Variants in SLC35F4 observed in about 807,000 individuals in gnomAD.
SLC35F4 encodes solute carrier family 35 member F4, also known as chromosome 14 open reading frame 36.
Under a neutral mutation model 44.2 loss-of-function variants are expected in SLC35F4, and 24 were observed. That is an observed-to-expected ratio of 0.54 (90% CI 0.39 to 0.76). The LOEUF is 0.76. Ranked by LOEUF, SLC35F4 falls within the 30% of genes least tolerant of loss-of-function variation. The pLI, the probability that SLC35F4 is intolerant of heterozygous loss-of-function variation, is 0.00. For synonymous variants in SLC35F4, 238 were observed against 223.6 expected (o/e 1.06, Z -0.57); for missense variants, 562 against 586.1 (o/e 0.96, Z 0.42).
At chr14:57,760,546 G>A (rs2077100242) in intron 1 of SLC35F4, among the ~76,000 whole-genome samples, 1 of 151,988 alleles carries the variant, frequency 6.6e-6, no homozygotes, top group Non-Finnish European at 1.5e-5. Flanking sequence ...TCTCTATTGT[G>A]TGCTGGATAT....
intron 1 of SLC35F4, among the ~76,000 whole-genome samples, chr14:57,678,565 A>C (rs1038688294): frequency 3.3e-5 from 5 of 152,068 alleles, no homozygotes; most frequent in Admixed American, 1.3e-4. Flanking sequence ...ATTAAAAGAC[A>C]CAGACCCACA....
chr14:57,858,448 C>A (rs1056470527), intron 1 of SLC35F4, among the ~76,000 whole-genome samples: 1 of 151,882 alleles, frequency 6.6e-6, no homozygotes, highest in Non-Finnish European at 1.5e-5. Context: ...CCAAACACTA[C>A]ATGTTCTCAC....
At chr14:57,825,156 C>T (rs536758273) in intron 1 of SLC35F4, among the ~76,000 whole-genome samples, 27 of 152,162 alleles carry the variant, frequency 1.8e-4, no homozygotes, top group Admixed American at 5.9e-4. Flanking sequence ...TAGGCCTGAG[C>T]CTCTGGAAGG....
intron 1 of SLC35F4, among the ~76,000 whole-genome samples, chr14:57,880,925 T>C (rs1288429552): frequency 6.6e-6 from 1 of 152,214 alleles, no homozygotes; most frequent in African/African-American, 2.4e-5. Context: ...GGAGACATGG[T>C]TGACACAGAA....
intron 7 of SLC35F4, 61 bp downstream of exon 7, chr14:57,566,414 A>T: frequency 6.7e-7 from 1 of 1,486,468 alleles, no homozygotes; most frequent in Non-Finnish European, 9.2e-7. Flanking sequence ...AGGACACAGA[A>T]CAAACACAAG....
chr14:57,944,716 AAAG>A (rs1358960261), intron 1 of SLC35F4, among the ~76,000 whole-genome samples: 2 of 116,118 alleles, frequency 1.7e-5, no homozygotes, highest in Admixed American at 9.6e-5. Context: ...AGAAAGAAAG[AAAG>A]AAAGAAAGAA....
intron 1 of SLC35F4, among the ~76,000 whole-genome samples, chr14:57,926,556 T>TG (rs555403775): frequency 1.1e-3 from 164 of 151,982 alleles, no homozygotes; most frequent in African/African-American, 3.7e-3. Flanking sequence ...GAAAGCAAGT[T>TG]GGGGGGGAAT....
chr14:57,702,253 C>G (rs1216331962), intron 1 of SLC35F4, among the ~76,000 whole-genome samples: 1 of 151,730 alleles, frequency 6.6e-6, no homozygotes, highest in Non-Finnish European at 1.5e-5. Context: ...CTCCTTTACC[C>G]CCCTGAATAC....
chr14:57,771,570 T>C (rs77878553), intron 1 of SLC35F4, among the ~76,000 whole-genome samples: 1 of 31,918 alleles, frequency 3.1e-5, no homozygotes, highest in Non-Finnish European at 5.2e-5. Flanking sequence ...ACAAATTTTT[T>C]CAACTTTTAA....
intron 1 of SLC35F4, among the ~76,000 whole-genome samples, chr14:57,616,958 C>T (rs894368115): frequency 1.3e-5 from 2 of 151,944 alleles, no homozygotes; most frequent in African/African-American, 4.8e-5. Flanking sequence ...GAGCCACAGA[C>T]ACTGCATTAT....
Position 57,593,985 on chromosome 14 carries a change from T to G in SLC35F4, c.243A>C (p.Gly81=), listed in dbSNP as rs1244195956. Residue 81 remains glycine (G), a synonymous_variant, in exon 2 of 8, where the codon GGA becomes GGC. Transcript: ENST00000556826. ...CTCTGTGTCCACAAACTCCTGAGGA[T>G]CCTTGGTTTTGAAGTTCAAGAATAG... ...SAPILELQNQ[G]SSGVCGHRVE... 1 of 1,613,888 alleles carries G rather than the reference T, an allele frequency of 6.2e-7. No homozygotes were observed. Among genetic ancestry groups the G allele is most frequent in the Admixed American group, 1.7e-5 (1 of 59,980 alleles).
At chr14:57,783,637 G>A (rs953027641) in intron 1 of SLC35F4, among the ~76,000 whole-genome samples, 1 of 152,106 alleles carries the variant, frequency 6.6e-6, no homozygotes, top group Admixed American at 6.5e-5. Context: ...CATTTTTCTG[G>A]GTTGCTCCAT....
chr14:57,780,980 G>GTC lies in SLC35F4; in HGVS notation c.103+84742_103+84743insGA, dbSNP rs1236373536. On this transcript the variant is annotated intron_variant, in intron 1 of 7. Transcript: ENST00000556826. ...ATAAAAACCCTGGAAGAAAATCTAG[G>GTC]CAATATTATTCCGGACATAGGAATT... Among the ~76,000 whole-genome samples, 1,252 of 152,192 alleles carry GTC rather than the reference G, an allele frequency of 8.2e-3. 14 individuals carry two copies. Among genetic ancestry groups the GTC allele is most frequent in the African/African-American group, 0.029 (1,191 of 41,538 alleles).
chr14:57,809,862 G>A (rs988949307), intron 1 of SLC35F4, among the ~76,000 whole-genome samples: 5 of 152,228 alleles, frequency 3.3e-5, no homozygotes, highest in African/African-American at 1.2e-4. Flanking sequence ...GTAATTTAAT[G>A]AGTTTTCTCT....
intron 1 of SLC35F4, among the ~76,000 whole-genome samples, chr14:57,793,074 A>G (rs2077966764): frequency 6.6e-6 from 1 of 152,090 alleles, no homozygotes; most frequent in Admixed American, 6.6e-5. Flanking sequence ...TCTAGAAAAC[A>G]CAGAAGAAAA....
intron 1 of SLC35F4, among the ~76,000 whole-genome samples, chr14:57,822,445 T>C (rs1428582638): frequency 2.0e-5 from 3 of 152,144 alleles, no homozygotes; most frequent in Non-Finnish European, 4.4e-5. Flanking sequence ...GTTGCAGACC[T>C]ATGGGAAGAA....
At chr14:57,837,388 G>A (rs1885040869) in intron 1 of SLC35F4, 1 of 152,152 alleles carries the variant, frequency 6.6e-6, no homozygotes, top group Non-Finnish European at 1.5e-5. Context: ...AACTTACTGA[G>A]CCACTTTCAA....
chr14:57,565,901 C>T (rs2068182389), intron 7 of SLC35F4, among the ~76,000 whole-genome samples: 1 of 152,188 alleles, frequency 6.6e-6, no homozygotes, highest in South Asian at 2.1e-4. Flanking sequence ...GTTAAAAGGA[C>T]TGTACAATCA....
intron 1 of SLC35F4, among the ~76,000 whole-genome samples, chr14:57,828,425 C>T (rs1425952215): frequency 1.3e-5 from 2 of 152,100 alleles, no homozygotes; most frequent in East Asian, 1.9e-4. Context: ...TCAATAGACA[C>T]ACTGGGCCAA....
Sources: allele counts gnomAD v4.1 joint callset (sites outside exome capture counted in the v4.1 genomes callset), GRCh38; gene constraint gnomAD v4.1.1; transcripts MANE v1.5; gene names NCBI Gene and HGNC (gene_info 2026-07-23, HGNC 2026-07-21).